Variants in IL1RAPL1 observed in about 807,000 individuals in gnomAD.
The protein encoded by IL1RAPL1 is interleukin 1 receptor accessory protein like 1.
IL1RAPL1 carries 3 observed loss-of-function variants against 48.4 expected under a neutral mutation model. The ratio of observed to expected loss-of-function variants is 0.06; its 90% CI spans 0.03 to 0.16. IL1RAPL1 has a LOEUF of 0.16. Among genes scored for constraint, IL1RAPL1 ranks in the 10% least tolerant of loss-of-function variants. The pLI is 1.00. For missense variants in IL1RAPL1, 349 were observed against 530.6 expected (o/e 0.66, Z 3.36); for synonymous variants, 185 against 187.7 (o/e 0.99, Z 0.12).
intron 2 of IL1RAPL1, among the ~76,000 whole-genome samples, chrX:29,097,743 C>A (rs757068730): frequency 8.9e-6 from 1 of 111,793 alleles, no homozygotes; most frequent in South Asian, 3.7e-4. Flanking sequence ...CCACAATGCT[C>A]ACAGGCTTTA....
chrX:29,204,590 T>C (rs1411463033), intron 2 of IL1RAPL1, among the ~76,000 whole-genome samples: 1 of 112,099 alleles, frequency 8.9e-6, no homozygotes, highest in Non-Finnish European at 1.9e-5. Context: ...TCCTATACGC[T>C]CTTTGTCAAG....
intron 5 of IL1RAPL1, among the ~76,000 whole-genome samples, chrX:29,425,499 C>G (rs1934339691): frequency 9.0e-6 from 1 of 111,616 alleles, no homozygotes; most frequent in African/African-American, 3.3e-5. Flanking sequence ...TGGTTCATAT[C>G]TCTGTCAATG....
chrX:28,814,650 T>A (rs1277477003), intron 2 of IL1RAPL1, among the ~76,000 whole-genome samples: 2 of 110,752 alleles, frequency 1.8e-5, no homozygotes, highest in African/African-American at 6.5e-5. Flanking sequence ...TATTTTTTAA[T>A]TGGTATATTT....
chrX:29,451,600 TTCTCTCTCTCTG>T (rs1934680582), intron 5 of IL1RAPL1, among the ~76,000 whole-genome samples: 1 of 111,692 alleles, frequency 9.0e-6, no homozygotes, highest in African/African-American at 3.3e-5. Context: ...CTTGAATTTG[TTCTCTCTCTCTG>T]TCTCTCTCTC....
intron 6 of IL1RAPL1, among the ~76,000 whole-genome samples, chrX:29,886,173 G>A (rs760760513): frequency 3.1e-4 from 35 of 112,129 alleles, no homozygotes; most frequent in East Asian, 8.4e-4. Flanking sequence ...AAGGTCAGTC[G>A]TAGATTTAAC....
intron 6 of IL1RAPL1, among the ~76,000 whole-genome samples, chrX:29,693,117 T>G (rs757330937): frequency 7.1e-5 from 8 of 112,075 alleles, no homozygotes; most frequent in Non-Finnish European, 1.5e-4. Context: ...GTCCCTGTGA[T>G]GACAAAGAAG....
At chrX:29,946,711 A>G (rs1326960932) in intron 9 of IL1RAPL1, among the ~76,000 whole-genome samples, 2 of 112,006 alleles carry the variant, frequency 1.8e-5, no homozygotes, top group South Asian at 3.7e-4. Flanking sequence ...ATTTTCTCCC[A>G]AGGCAAATGT....
intron 2 of IL1RAPL1, among the ~76,000 whole-genome samples, chrX:28,895,245 T>C (rs910280768): frequency 9.1e-5 from 10 of 110,355 alleles, no homozygotes; most frequent in African/African-American, 1.3e-4. Context: ...TTGTCTGGTT[T>C]TAGGACAGGT....
At chrX:29,887,377 T>C (rs1932187824) in intron 6 of IL1RAPL1, among the ~76,000 whole-genome samples, 1 of 112,555 alleles carries the variant, frequency 8.9e-6, no homozygotes, top group South Asian at 3.7e-4. Context: ...GAAGATGCCT[T>C]AGAGCTGTGT....
chrX:29,932,066 T>C (rs917064787), intron 8 of IL1RAPL1, among the ~76,000 whole-genome samples: 5 of 112,354 alleles, frequency 4.5e-5, no homozygotes, highest in Non-Finnish European at 1.9e-5. Flanking sequence ...TTTTGTTTGT[T>C]ATTATAACAG....
chrX:29,336,304 GGTGTGTGTGTGTGTGTGTGT>G (rs375590826), intron 3 of IL1RAPL1, among the ~76,000 whole-genome samples: 4 of 70,868 alleles, frequency 5.6e-5, no homozygotes, highest in Admixed American at 1.8e-4. Flanking sequence ...ACCGTTTTGG[GGTGTGTGTGTGTGTGTGTGT>G]GTGTGTGTGT....
At chrX:29,319,544 ATGTATGTATGTATG>A (rs202207449) in intron 3 of IL1RAPL1, among the ~76,000 whole-genome samples, 1,441 of 85,437 alleles carry the variant, frequency 0.017, 23 homozygotes, top group African/African-American at 0.052. Context: ...GTATGTATGT[ATGTATGTATGTATG>A]TATCTATCTA....
intron 2 of IL1RAPL1, among the ~76,000 whole-genome samples, chrX:29,232,001 T>G (rs1325488192): frequency 9.0e-6 from 1 of 111,693 alleles, no homozygotes; most frequent in African/African-American, 3.3e-5. Flanking sequence ...TGAGTTAGAA[T>G]TATAAGAGAG....
intron 3 of IL1RAPL1, among the ~76,000 whole-genome samples, chrX:29,304,288 A>G (rs375860980): frequency 1.8e-5 from 2 of 110,640 alleles, no homozygotes; most frequent in African/African-American, 6.6e-5. Context: ...AAATAAATAG[A>G]TTGTTATACC....
At chrX:28,673,533 A>G (rs982102363) in intron 1 of IL1RAPL1, among the ~76,000 whole-genome samples, 3 of 112,135 alleles carry the variant, frequency 2.7e-5, no homozygotes, top group Non-Finnish European at 3.8e-5. Flanking sequence ...TTAAAAGGTC[A>G]CTACTTTCCA....
intron 2 of IL1RAPL1, among the ~76,000 whole-genome samples, chrX:29,161,779 C>T (rs1929689427): frequency 8.9e-6 from 1 of 112,039 alleles, no homozygotes; most frequent in African/African-American, 3.2e-5. Context: ...TTAGTTCAAC[C>T]ATTGTGGAAG....
At chrX:29,222,706 G>A (rs901037784) in intron 2 of IL1RAPL1, among the ~76,000 whole-genome samples, 3 of 111,637 alleles carry the variant, frequency 2.7e-5, no homozygotes, top group African/African-American at 9.8e-5. Flanking sequence ...CTGATGCTGT[G>A]ATAAGAACCA....
chrX:28,782,543 A>G (rs191524578), intron 1 of IL1RAPL1, among the ~76,000 whole-genome samples: 23 of 111,946 alleles, frequency 2.1e-4, no homozygotes, highest in African/African-American at 7.1e-4. Flanking sequence ...AGTAACATTA[A>G]CTATCCTTGC....
chrX:29,319,070 T>G (rs1932781375), intron 3 of IL1RAPL1, among the ~76,000 whole-genome samples: 1 of 111,030 alleles, frequency 9.0e-6, no homozygotes, highest in African/African-American at 3.3e-5. Flanking sequence ...ATGGCACATA[T>G]GTATATTTTG....
Sources: gnomAD v4.1 joint callset for allele counts (sites outside exome capture counted in the v4.1 genomes callset) on GRCh38, gnomAD v4.1.1 for gene constraint, MANE v1.5 for transcripts, NCBI Gene and HGNC (gene_info 2026-07-23, HGNC 2026-07-21) for gene names.